OLFML2A: variants seen among roughly 807,000 people sequenced by gnomAD.
OLFML2A encodes olfactomedin like 2A, also known as olfactomedin-like protein 2A.
OLFML2A carries 47 observed loss-of-function variants against 60.9 expected under a neutral mutation model. The ratio of observed to expected loss-of-function variants is 0.77; its 90% CI spans 0.61 to 0.98. The LOEUF (loss-of-function observed/expected upper bound fraction) is 0.98. Among genes scored for constraint, OLFML2A ranks in the 50% least tolerant of loss-of-function variants. OLFML2A has a pLI of 0.00. For missense variants in OLFML2A, 922 were observed against 879.8 expected, an observed-to-expected ratio of 1.05 and a Z score of -0.61; for synonymous variants, 372 against 375.0, an observed-to-expected ratio of 0.99 and a Z score of 0.09.
At chr9:124,794,633 T>A (rs751043985) in intron 2 of OLFML2A, among the ~76,000 whole-genome samples, 1 of 152,096 alleles carries the variant, frequency 6.6e-6, no homozygotes, top group African/African-American at 2.4e-5. Context: ...TTATTATTCT[T>A]TTTTTTGGAA....
intron 5 of OLFML2A, among the ~76,000 whole-genome samples, chr9:124,802,372 T>C (rs959648148): frequency 6.6e-6 from 1 of 152,190 alleles, no homozygotes; most frequent in African/African-American, 2.4e-5. Context: ...CTCCCCTTCC[T>C]AGGTCCTGCT....
chr9:124,781,903 A>C (rs1841366773), intron 1 of OLFML2A, among the ~76,000 whole-genome samples: 1 of 152,094 alleles, frequency 6.6e-6, no homozygotes, highest in African/African-American at 2.4e-5. Flanking sequence ...CTGCAGAAAA[A>C]TCTCAAATAC....
chr9:124,799,535 T>C, intron 4 of OLFML2A, 44 bp downstream of exon 4: 1 of 1,485,732 alleles, frequency 6.7e-7, no homozygotes, highest in Non-Finnish European at 9.2e-7. Context: ...TGGCTGAACT[T>C]GGGAGCTCAG....
chr9:124,807,428 C>T (rs1392839310), intron 6 of OLFML2A, among the ~76,000 whole-genome samples: 3 of 151,728 alleles, frequency 2.0e-5, no homozygotes, highest in African/African-American at 7.3e-5. Flanking sequence ...CGATTACAGG[C>T]ACCGCCTACC....
intron 2 of OLFML2A, among the ~76,000 whole-genome samples, chr9:124,791,475 G>A (rs1035961950): frequency 4.6e-5 from 7 of 152,184 alleles, no homozygotes; most frequent in African/African-American, 1.7e-4. Flanking sequence ...AGTGCATCAT[G>A]AGTGTAATCC....
At position 124,810,882 on chromosome 9, in the gene OLFML2A, A is replaced by G. The variant is rs1033158761; in HGVS notation, c.*470A>G. ...TCCCTTCCCAGGGCCACTCAGAACC[A>G]GAGGTCTTTAGGGCCAGTGTACTGG... On this transcript the variant is annotated 3_prime_UTR_variant, in exon 8 of 8. Transcript: ENST00000373580. The G allele has an allele frequency of 6.6e-6, 1 of 151,220 alleles. No homozygotes were observed. Among genetic ancestry groups the G allele is most frequent in the African/African-American group, 2.7e-5 (1 of 36,884 alleles). 9.4% of individuals were successfully genotyped at this position (151,220 alleles called of 1,614,324 possible).
chr9:124,801,197 G>A, intron 4 of OLFML2A: 3 of 934,248 alleles, frequency 3.2e-6, no homozygotes, highest in East Asian at 2.6e-5. Context: ...CTTCAAGCCT[G>A]CAAGGGAGCT....
intron 2 of OLFML2A, among the ~76,000 whole-genome samples, chr9:124,789,074 T>A (rs1417978770): frequency 6.6e-6 from 1 of 152,080 alleles, no homozygotes; most frequent in South Asian, 2.1e-4. Flanking sequence ...GGACCACAGG[T>A]GCACACCCCC....
chr9:124,808,406 T>C (rs1351931444), intron 7 of OLFML2A, among the ~76,000 whole-genome samples: 2 of 152,214 alleles, frequency 1.3e-5, no homozygotes, highest in African/African-American at 2.4e-5. Context: ...GCTGCAGGTC[T>C]GGGCAGGGGC....
chr9:124,797,434 C>T (rs1422228293), intron 3 of OLFML2A, among the ~76,000 whole-genome samples: 2 of 152,188 alleles, frequency 1.3e-5, no homozygotes, highest in Non-Finnish European at 1.5e-5. Flanking sequence ...CCCAAAGTTA[C>T]CCAGCCAGGA....
chr9:124,781,514 G>A (rs1412365826), intron 1 of OLFML2A, among the ~76,000 whole-genome samples: 1 of 152,116 alleles, frequency 6.6e-6, no homozygotes, highest in Non-Finnish European at 1.5e-5. Flanking sequence ...CACAAGTTGG[G>A]CGGGCGTGGT....
At position 124,807,790 on chromosome 9, in the gene OLFML2A, C is replaced by T. The variant is rs77695038; in HGVS notation, c.1178C>T (p.Ala393Val). Residue 393 changes from alanine (A) to valine (V), a missense_variant, in exon 7 of 8, where the codon GCG (alanine) becomes GTG (valine). Transcript: ENST00000373580. ...GCCCTCCTCCCCACAGGCAGAGAGG[C>T]GAGCTGTGAGGGCACCCTCCGGGCT... ...GPEVSSQGREASCEGTLRAVD... is the reference protein window; with the variant it reads ...GPEVSSQGREVSCEGTLRAVD... 7.1e-4 allele frequency: 1,136 copies of T among 1,610,688 alleles called. 13 individuals carry two copies. In the African/African-American group the frequency reaches 0.014, roughly 19 times the overall value.
At chr9:124,808,029 G>C (rs1451372702) in intron 7 of OLFML2A, 63 bp downstream of exon 7, 1 of 1,302,540 alleles carries the variant, frequency 7.7e-7, no homozygotes, top group South Asian at 1.3e-5. Context: ...GGGTCCTCAT[G>C]GGGACTTGGC....
chr9:124,807,451 T>C (rs538141077), intron 6 of OLFML2A, among the ~76,000 whole-genome samples: 3 of 152,072 alleles, frequency 2.0e-5, no homozygotes, highest in South Asian at 4.2e-4. Context: ...GCCCAGCTAA[T>C]TTTTGTATTT....
intron 1 of OLFML2A, among the ~76,000 whole-genome samples, chr9:124,786,042 A>G (rs1361039294): frequency 6.6e-6 from 1 of 152,126 alleles, no homozygotes; most frequent in East Asian, 1.9e-4. Context: ...TGAGTCCAGG[A>G]GTTTGAGGTT....
chr9:124,783,885 G>C lies in OLFML2A; in HGVS notation c.91-3090G>C, dbSNP rs374505774. 2.6e-5 allele frequency among the ~76,000 whole-genome samples: 4 copies of C among 152,184 alleles called. No individual in the cohort carries two copies. In the East Asian group the frequency reaches 7.7e-4, roughly 29 times the overall value. ...TAATAGGTGCAGTAAAGAAAACCAA[G>C]TCACTAGATGAAGGGATAGAGAGTA... On this transcript the variant is annotated intron_variant, in intron 1 of 7. Coordinates refer to ENST00000373580, the MANE Select transcript of OLFML2A (RefSeq NM_182487.4).
At chr9:124,800,777 T>A in intron 4 of OLFML2A, 3 of 1,240,572 alleles carry the variant, frequency 2.4e-6, no homozygotes, top group Non-Finnish European at 3.1e-6. Flanking sequence ...TGCCTAACGA[T>A]GAGTGATGTC....
rs1236132860 is a variant in OLFML2A, at chr9:124,810,627, T to TA, written c.*216dup. On this transcript the variant is annotated 3_prime_UTR_variant, in exon 8 of 8. Coordinates refer to ENST00000373580, the MANE Select transcript of OLFML2A (RefSeq NM_182487.4). Reference sequence around the variant, plus strand: ...CCGTGCCAAGCACTTCCCACACACTTACCCGTTTGATTCTCCTAGCACCTC... The same window carrying TA: ...CCGTGCCAAGCACTTCCCACACACTTAACCCGTTTGATTCTCCTAGCACCTC... The TA allele has an allele frequency of 1.7e-6, 1 of 584,878 alleles. No individual in the cohort carries two copies. Among genetic ancestry groups the TA allele is most frequent in the Non-Finnish European group, 3.0e-6 (1 of 329,026 alleles). 36.2% of individuals were successfully genotyped at this position (584,878 alleles called of 1,614,324 possible).
At position 124,804,309 on chromosome 9, in the gene OLFML2A, G is replaced by A. The variant is rs189096402; in HGVS notation, c.1135G>A (p.Glu379Lys). The A allele has an allele frequency of 9.6e-5, 96 of 999,112 alleles. No individual in the cohort carries two copies. The highest frequency in any genetic ancestry group is 6.7e-4 in the African/African-American group (32 of 47,468). 61.9% of individuals were successfully genotyped at this position (999,112 alleles called of 1,614,324 possible). The stretch of plus-strand genomic sequence containing the variant: ...CCCCACCACCAGTCTCCTGCCCACC[G>A]AGCCACCTTCAGGTCCAGAAGTCTC... ...PTPTTSLLPT[E>K]PPSGPEVSSQ... The change falls in exon 6 of 8, where the codon GAG (glutamate) becomes AAG (lysine). Residue 379 changes from glutamate to lysine, a missense_variant. Glu to Lys is a moderately conservative substitution (Grantham distance 56). Coordinates refer to ENST00000373580, the MANE Select transcript of OLFML2A (RefSeq NM_182487.4).
Sources: gnomAD v4.1 joint callset for allele counts (sites outside exome capture counted in the v4.1 genomes callset) on GRCh38, gnomAD v4.1.1 for gene constraint, MANE v1.5 for transcripts, NCBI Gene and HGNC (gene_info 2026-07-23, HGNC 2026-07-21) for gene names.